The following COA8 variants were observed in gnomAD, a reference collection of about 807,000 sequenced individuals.
The protein encoded by COA8 is UPF0671 protein C14orf153.
Under a neutral mutation model 22.0 loss-of-function variants are expected in COA8, and 20 were observed. The observed-to-expected ratio is 0.91, with a 90% CI of 0.64 to 1.32. The LOEUF (loss-of-function observed/expected upper bound fraction) is 1.32, where lower values mean the gene tolerates loss of function less well. Ranked by LOEUF, COA8 falls within the 40% of genes most tolerant of loss-of-function variation. The pLI, the probability that COA8 is intolerant of heterozygous loss-of-function variation, is 0.00. For missense variants in COA8, 266 were observed against 230.0 expected (o/e 1.16, Z -1.01); for synonymous variants, 105 against 79.9 (o/e 1.31, Z -1.68).
chr14:103,579,114 C>T (rs776698634), intron 3 of COA8, among the ~76,000 whole-genome samples: 5 of 151,974 alleles, frequency 3.3e-5, no homozygotes, highest in African/African-American at 4.8e-5. Flanking sequence ...CAGTTTTGAG[C>T]GCCCTATATG....
At chr14:103,582,979 A>G (rs1488223194) in intron 3 of COA8, among the ~76,000 whole-genome samples, 1 of 152,106 alleles carries the variant, frequency 6.6e-6, no homozygotes, top group Admixed American at 6.6e-5. Flanking sequence ...ACATTTCCAG[A>G]TAAATGGAAT....
In COA8 at chr14:103,574,078, CTTTTTTTTTTTTTT is replaced by C; in HGVS notation, c.322-17_322-4del. On this transcript the variant is annotated splice_polypyrimidine_tract_variant and intron_variant, in intron 2 of 4. Coordinates refer to ENST00000409074, the MANE Select transcript of COA8 (RefSeq NM_001370595.2). ...AGACAGAGAAAGGAGTTCTGAGAGCCTTTTTTTTTTTTTTTTTTTTTTTTTAAGGAAAAAGAAGA... is the reference window on the plus strand; with the variant it reads ...AGACAGAGAAAGGAGTTCTGAGAGCCTTTTTTTTTTTAAGGAAAAAGAAGA... 4 of 1,012,756 alleles carry C rather than the reference CTTTTTTTTTTTTTT, an allele frequency of 3.9e-6. No individual in the cohort carries two copies. Among genetic ancestry groups the C allele is most frequent in the Non-Finnish European group, 5.1e-6 (4 of 777,280 alleles). 62.7% of individuals were successfully genotyped at this position (1,012,756 alleles called of 1,614,324 possible).
intron 3 of COA8, among the ~76,000 whole-genome samples, chr14:103,586,356 T>G (rs923614114): frequency 6.6e-6 from 1 of 151,740 alleles, no homozygotes; most frequent in African/African-American, 2.4e-5. Flanking sequence ...TACAGGCATG[T>G]ACCACCATAC....
In COA8 at chr14:103,581,360, A is replaced by ACC. The variant is rs2076266306; in HGVS notation, c.386-5913_386-5912insCC. On this transcript the variant is annotated intron_variant, in intron 3 of 4. Coordinates refer to ENST00000409074, the MANE Select transcript of COA8 (RefSeq NM_001370595.2). This position sits in a 1 kb window ranked among gnomAD's most constrained non-coding sequence, Gnocchi z 4.1. ...ACTCAGACACAAGCACTGCTGTACG[A>ACC]CGACAGTGGATCTGATCACCGAGAC... 6.6e-6 allele frequency among the ~76,000 whole-genome samples: 1 copy of ACC among 152,058 alleles called. No homozygotes were observed. Among genetic ancestry groups the ACC allele is most frequent in the African/African-American group, 2.4e-5 (1 of 41,396 alleles).
rs1566988359 is a variant in COA8, at chr14:103,590,387, C to T, written c.*101C>T. 1 of 1,163,666 alleles carries T rather than the reference C, an allele frequency of 8.6e-7. No homozygotes were observed. The highest frequency in any genetic ancestry group is 1.2e-6 in the Non-Finnish European group (1 of 819,462). The allele number at this position is 1,163,666 out of a possible 1,614,324, so 72.1% of individuals were successfully genotyped here. A position where few individuals can be genotyped will look rare whatever the true frequency, so the allele number is the denominator to read the frequency against. On this transcript the variant is annotated 3_prime_UTR_variant, in exon 5 of 5. Coordinates refer to ENST00000409074, the MANE Select transcript of COA8 (RefSeq NM_001370595.2). Reference sequence around the variant, plus strand: ...AAAACTGGAGCTGATCTCAAGAAGCCCCACATCTTCCTAAGGGGCCCCATG... The same window carrying T: ...AAAACTGGAGCTGATCTCAAGAAGCTCCACATCTTCCTAAGGGGCCCCATG...
chr14:103,570,743 AAG>A (rs1242345350), intron 1 of COA8, among the ~76,000 whole-genome samples: 5 of 152,188 alleles, frequency 3.3e-5, no homozygotes, highest in Non-Finnish European at 7.3e-5. Flanking sequence ...AAAAAAAAGA[AAG>A]AGTTTAATTG....
At chr14:103,574,203 T>G (rs894788503) in intron 3 of COA8, 33 bp downstream of exon 3, 2 of 1,611,812 alleles carry the variant, frequency 1.2e-6, no homozygotes, top group African/African-American at 1.3e-5. Flanking sequence ...TTTTTTTGCT[T>G]TCTTTGCGTT....
At chr14:103,568,141 A>G (rs539650017) in intron 1 of COA8, among the ~76,000 whole-genome samples, 30 of 152,342 alleles carry the variant, frequency 2.0e-4, no homozygotes, top group African/African-American at 5.8e-4. Flanking sequence ...AGAGCTTGCT[A>G]ACATTTTTCT....
At chr14:103,584,234 T>C (rs978658178) in intron 3 of COA8, among the ~76,000 whole-genome samples, 4 of 152,128 alleles carry the variant, frequency 2.6e-5, no homozygotes, top group African/African-American at 9.7e-5. Flanking sequence ...GCCCGGATGC[T>C]CTCTGAACCC....
At chr14:103,587,419 AG>A in intron 4 of COA8, 55 bp downstream of exon 4, 1 of 1,228,174 alleles carries the variant, frequency 8.1e-7, no homozygotes, top group Non-Finnish European at 1.2e-6. Flanking sequence ...ATTAGGTAGG[AG>A]TGTTTTCTTA....
Position 103,562,978 on chromosome 14 carries a change from G to A in COA8, c.-24G>A. Reference sequence around the variant, plus strand: ...CGCCGTCGCAATGCTGCCGTGCGCCGCGGGAGCCAGGGGGCGTGGGGCCAT... The same window carrying A: ...CGCCGTCGCAATGCTGCCGTGCGCCACGGGAGCCAGGGGGCGTGGGGCCAT... On this transcript the variant is annotated 5_prime_UTR_variant, in exon 1 of 5. Coordinates refer to ENST00000409074, the MANE Select transcript of COA8 (RefSeq NM_001370595.2). 6.6e-7 allele frequency: 1 copy of A among 1,524,658 alleles called. No homozygotes were observed. Among genetic ancestry groups the A allele is most frequent in the Non-Finnish European group, 8.8e-7 (1 of 1,141,830 alleles). The allele number at this position is 1,524,658 out of a possible 1,614,324, so 94.4% of individuals were successfully genotyped here.
intron 2 of COA8, among the ~76,000 whole-genome samples, 164 bp downstream of exon 2, chr14:103,571,984 C>G (rs574193043): frequency 6.6e-6 from 1 of 151,886 alleles, no homozygotes; most frequent in Non-Finnish European, 1.5e-5. Flanking sequence ...AAAATTAGCC[C>G]GGCGTGGTGG....
chr14:103,565,240 G>A (rs771606657), intron 1 of COA8, among the ~76,000 whole-genome samples: 4 of 152,090 alleles, frequency 2.6e-5, no homozygotes, highest in Non-Finnish European at 5.9e-5. Flanking sequence ...GATTATAAGT[G>A]TGAGCCACCA....
At chr14:103,565,305 G>C (rs553609665) in intron 1 of COA8, among the ~76,000 whole-genome samples, 2 of 151,930 alleles carry the variant, frequency 1.3e-5, no homozygotes, top group African/African-American at 4.8e-5. Context: ...TAAGAGTCAG[G>C]CACCATTCTT....
intron 3 of COA8, among the ~76,000 whole-genome samples, chr14:103,585,999 C>G (rs971462283): frequency 3.3e-5 from 5 of 151,636 alleles, no homozygotes; most frequent in Admixed American, 3.3e-4. Context: ...CTCCTGAGTT[C>G]AAGCAATTCT....
At chr14:103,588,250 C>T (rs915239233) in intron 4 of COA8, 7 of 395,806 alleles carry the variant, frequency 1.8e-5, no homozygotes, top group East Asian at 3.6e-5. Flanking sequence ...TACGGTGGCT[C>T]GCACCTGGAA....
intron 2 of COA8, among the ~76,000 whole-genome samples, chr14:103,573,039 C>T (rs2076200883): frequency 1.3e-5 from 2 of 152,018 alleles, no homozygotes; most frequent in Admixed American, 6.6e-5. Flanking sequence ...CCTCGGCCTC[C>T]CAAAGTGTTG....
chr14:103,582,040 G>A (rs1463439413), intron 3 of COA8, among the ~76,000 whole-genome samples: 1 of 152,224 alleles, frequency 6.6e-6, no homozygotes, highest in Non-Finnish European at 1.5e-5. Flanking sequence ...GGCACCTTCA[G>A]GGAAAGGCAG....
intron 3 of COA8, among the ~76,000 whole-genome samples, chr14:103,576,900 A>G (rs2142291497): frequency 1.3e-5 from 2 of 152,316 alleles, no homozygotes; most frequent in Middle Eastern, 3.4e-3. Context: ...GGGTAGGCGC[A>G]GGGATCAGTG....
Sources: allele counts gnomAD v4.1 joint callset (sites outside exome capture counted in the v4.1 genomes callset), GRCh38; gene constraint gnomAD v4.1.1; non-coding constraint Gnocchi (gnomAD v3.1); transcripts MANE v1.5; gene names NCBI Gene and HGNC (gene_info 2026-07-23, HGNC 2026-07-21).